The following HPCAL1 variants were observed in gnomAD, a reference collection of about 807,000 sequenced individuals.
HPCAL1 encodes the protein hippocalcin-like protein 1.
A neutral mutation model predicts 17.1 loss-of-function variants in HPCAL1; 8 were observed. The observed-to-expected ratio is 0.47, with a 90% confidence interval of 0.27 to 0.84. HPCAL1 has a LOEUF of 0.84. Among genes scored for constraint, HPCAL1 ranks in the 40% least tolerant of loss-of-function variants. The pLI is 0.13. For synonymous variants in HPCAL1, 112 were observed against 111.4 expected (o/e 1.01, Z -0.03); for missense variants, 165 against 271.1 (o/e 0.61, Z 2.75).
At position 10,329,580 on chromosome 2, in the gene HPCAL1, C is replaced by T. The variant is rs528264852; in HGVS notation, c.-111+26403C>T. 1.2e-4 allele frequency among the ~76,000 whole-genome samples: 18 copies of T among 152,340 alleles called. 1 individual carries two copies. The highest frequency in any genetic ancestry group is 6.2e-4 in the South Asian group (3 of 4,822). ...GAACCAGCCCTACTGACACAGTCTC[C>T]GTGGGACCTGTGTCCACAGACAGAA... is the stretch of plus-strand genomic sequence containing the variant. On this transcript the variant is annotated intron_variant, in intron 1 of 4. Transcript: ENST00000307845.
chr2:10,401,154 C>T lies in HPCAL1; in HGVS notation c.-25+4234C>T, dbSNP rs550677653. ...TGGCCCCGGGTCTCCAGGCCAGGTC[C>T]GAGCCAGCCAGGCTCCTCCCCACCC... is the stretch of plus-strand genomic sequence containing the variant. On this transcript the variant is annotated intron_variant, in intron 2 of 4. Transcript: ENST00000307845. Among the ~76,000 whole-genome samples the T allele has an allele frequency of 1.2e-4, 18 of 152,204 alleles. No homozygotes were observed. The East Asian group carries it at 3.3e-3, about 28-fold the overall frequency.
At chr2:10,374,170 C>T (rs2041741) in intron 1 of HPCAL1, among the ~76,000 whole-genome samples, 30,147 of 151,824 alleles carry the variant, frequency 0.2, 6,622 homozygotes, top group African/African-American at 0.52. Context: ...CCCCGAGTCT[C>T]GAATCCCCAG....
intron 2 of HPCAL1, among the ~76,000 whole-genome samples, chr2:10,404,368 G>T (rs1669841095): frequency 6.6e-6 from 1 of 152,234 alleles, no homozygotes; most frequent in Admixed American, 6.5e-5. Context: ...TTTGCTGGGT[G>T]AGTGTTTCCC....
chr2:10,311,831 C>T (rs1231130913), intron 1 of HPCAL1, among the ~76,000 whole-genome samples: 4 of 152,104 alleles, frequency 2.6e-5, no homozygotes, highest in African/African-American at 9.7e-5. Context: ...CACTTTTCTC[C>T]ATCACCATCA....
rs574542606 is a variant in HPCAL1 at position 10,359,922 on chromosome 2, G to A, written c.-110-36913G>A. 1.3e-5 allele frequency among the ~76,000 whole-genome samples: 2 copies of A among 149,878 alleles called. No homozygotes were observed. The highest frequency in any genetic ancestry group is 3.0e-5 in the Non-Finnish European group (2 of 67,716). On this transcript the variant is annotated intron_variant, in intron 1 of 4. Coordinates refer to ENST00000307845, the MANE Select transcript of HPCAL1 (RefSeq NM_002149.4). This position sits in a 1 kb window ranked among gnomAD's most constrained non-coding sequence, Gnocchi z 4.1. Reference sequence around the variant, plus strand: ...GCCCGCCGGGTCCACAGCGCCCGCCGGGTCCACAGCGCCCGCCGGGTCCAC... The same window carrying A: ...GCCCGCCGGGTCCACAGCGCCCGCCAGGTCCACAGCGCCCGCCGGGTCCAC...
Position 10,343,083 on chromosome 2 carries a change from C to T in HPCAL1, c.-111+39906C>T, listed in dbSNP as rs1229725162. Reference sequence around the variant, plus strand: ...TAGGGGTCCTTCCCCAGCTCCAGGCCCTGTGTGTTTCCAAGTGGGCCCGCA... The same window carrying T: ...TAGGGGTCCTTCCCCAGCTCCAGGCTCTGTGTGTTTCCAAGTGGGCCCGCA... On this transcript the variant is annotated intron_variant, in intron 1 of 4. Transcript: ENST00000307845. This position sits in a 1 kb window ranked among gnomAD's most constrained non-coding sequence, Gnocchi z 4.8. Among the ~76,000 whole-genome samples, 1 of 152,048 alleles carries T rather than the reference C, an allele frequency of 6.6e-6. No homozygotes were observed. Among genetic ancestry groups the T allele is most frequent in the Non-Finnish European group, 1.5e-5 (1 of 68,014 alleles).
chr2:10,382,478 T>C (rs1414965124), intron 1 of HPCAL1, among the ~76,000 whole-genome samples: 1 of 151,452 alleles, frequency 6.6e-6, no homozygotes, highest in Non-Finnish European at 1.5e-5. Flanking sequence ...GGTTCATCCG[T>C]TGTAACAAAC....
At chr2:10,399,299 C>T (rs1669324094) in intron 2 of HPCAL1, among the ~76,000 whole-genome samples, 1 of 119,768 alleles carries the variant, frequency 8.3e-6, no homozygotes. Flanking sequence ...CCACCACCAT[C>T]ACCACCACCA....
intron 1 of HPCAL1, among the ~76,000 whole-genome samples, chr2:10,349,693 A>C (rs1665711690): frequency 9.4e-6 from 1 of 106,846 alleles, no homozygotes; most frequent in Non-Finnish European, 1.8e-5. Flanking sequence ...ACAGAGCAAG[A>C]CTCTGTCTCA....
chr2:10,376,445 CT>C (rs70948886), intron 1 of HPCAL1, among the ~76,000 whole-genome samples: 93,611 of 147,560 alleles, frequency 0.63, 30,697 homozygotes, highest in African/African-American at 0.81. Context: ...AAAAATCCCT[CT>C]TTTTTTTTTT....
chr2:10,330,412 G>A lies in HPCAL1; in HGVS notation c.-111+27235G>A, dbSNP rs985632352. Among the ~76,000 whole-genome samples the A allele has an allele frequency of 1.1e-4, 17 of 152,298 alleles. No individual in the cohort carries two copies. The highest frequency in any genetic ancestry group is 4.1e-4 in the African/African-American group (17 of 41,570). On this transcript the variant is annotated intron_variant, in intron 1 of 4. Coordinates refer to ENST00000307845, the MANE Select transcript of HPCAL1 (RefSeq NM_002149.4). This position sits in a 1 kb window ranked among gnomAD's most constrained non-coding sequence, Gnocchi z 4.2. ...AGCCCTGAGTCGTCTAACCTTCCCG[G>A]TGTATTAGTCAGCTCTGGCTGCTGG...
chr2:10,399,313 C>T (rs867252562), intron 2 of HPCAL1, among the ~76,000 whole-genome samples: 77 of 95,478 alleles, frequency 8.1e-4, no homozygotes, highest in South Asian at 1.1e-3. Flanking sequence ...ACCACCACCA[C>T]CACCACCACC....
At chr2:10,321,097 C>T (rs1477413759) in intron 1 of HPCAL1, among the ~76,000 whole-genome samples, 1 of 152,118 alleles carries the variant, frequency 6.6e-6, no homozygotes, top group Non-Finnish European at 1.5e-5. Flanking sequence ...AAGCATGGTG[C>T]TGGCATCTGC....
chr2:10,414,661 C>T (rs1053253118), intron 2 of HPCAL1, among the ~76,000 whole-genome samples: 1 of 152,104 alleles, frequency 6.6e-6, no homozygotes, highest in Non-Finnish European at 1.5e-5. Context: ...GGGGGAAGCA[C>T]AGTTGAGGCC....
In HPCAL1 at chr2:10,417,877, A is replaced by G. The variant is rs551720728; in HGVS notation, c.-24-1857A>G. Among the ~76,000 whole-genome samples, 10 of 149,890 alleles carry G rather than the reference A, an allele frequency of 6.7e-5. No homozygotes were observed. The East Asian group carries it at 1.9e-3, about 29-fold the overall frequency. On this transcript the variant is annotated intron_variant, in intron 2 of 4. Coordinates refer to ENST00000307845, the MANE Select transcript of HPCAL1 (RefSeq NM_002149.4). ...GGCAAAATAGTGAGGCCCTGTTTCT[A>G]CAAAAAAAAAAAAAATTAACTGGGT...
At position 10,344,639 on chromosome 2, in the gene HPCAL1, G is replaced by A. The variant is rs1665295268; in HGVS notation, c.-111+41462G>A. ...ATTTTATAATCAAATGAGTAAGACGGGCGTCCCACACTCCACAGTACTCTG... is the reference window on the plus strand; with the variant it reads ...ATTTTATAATCAAATGAGTAAGACGAGCGTCCCACACTCCACAGTACTCTG... On this transcript the variant is annotated intron_variant, in intron 1 of 4. Transcript: ENST00000307845. The surrounding 1 kb of genome is among the most constrained non-coding windows in gnomAD (Gnocchi z 4.9). 6.6e-6 allele frequency among the ~76,000 whole-genome samples: 1 copy of A among 152,098 alleles called. No homozygotes were observed. The highest frequency in any genetic ancestry group is 6.5e-5 in the Admixed American group (1 of 15,268).
intron 2 of HPCAL1, among the ~76,000 whole-genome samples, chr2:10,399,208 G>GCACCACCACCACCACCACCAC: frequency 2.0e-4 from 1 of 5,098 alleles, no homozygotes. Flanking sequence ...TAATATCACT[G>GCACCACCACCACCACCACCAC]CACCACCACC....
Position 10,394,130 on chromosome 2 carries a change from AC to A in HPCAL1, c.-110-2704del, listed in dbSNP as rs1349333589. Reference sequence around the variant, plus strand: ...ATCCTGTCTCCTGAAAAACAAACAAACAAAAAAAAAACCTTGTAACTAACCA... The same window carrying A: ...ATCCTGTCTCCTGAAAAACAAACAAAAAAAAAAAAACCTTGTAACTAACCA... On this transcript the variant is annotated intron_variant, in intron 1 of 4. Transcript: ENST00000307845. The surrounding 1 kb of genome is among the most constrained non-coding windows in gnomAD (Gnocchi z 5.0). Among the ~76,000 whole-genome samples the A allele has an allele frequency of 2.4e-5, 2 of 84,094 alleles. No individual in the cohort carries two copies. Among genetic ancestry groups the A allele is most frequent in the Non-Finnish European group, 4.5e-5 (2 of 44,266 alleles). The allele number at this position is 84,094 out of a possible 152,430, so 55.2% of individuals were successfully genotyped here. A position where few individuals can be genotyped will look rare whatever the true frequency, so the allele number is the denominator to read the frequency against.
chr2:10,346,318 C>G (rs1206240540), intron 1 of HPCAL1, among the ~76,000 whole-genome samples: 1 of 152,138 alleles, frequency 6.6e-6, no homozygotes, highest in Non-Finnish European at 1.5e-5. Flanking sequence ...GGGAGAAGCC[C>G]TCATGCCAGA....
Sources: gnomAD v4.1 joint callset for allele counts (sites outside exome capture counted in the v4.1 genomes callset) on GRCh38, gnomAD v4.1.1 for gene constraint, Gnocchi (gnomAD v3.1) non-coding constraint, MANE v1.5 for transcripts, NCBI Gene and HGNC (gene_info 2026-07-23, HGNC 2026-07-21) for gene names.